The following GALNT10 variants were observed in gnomAD, a reference collection of about 807,000 sequenced individuals.
GALNT10 encodes polypeptide N-acetylgalactosaminyltransferase 10, also known as GalNAc transferase 10.
In GALNT10, 41 loss-of-function variants were observed where a neutral mutation model predicts 75.0. That is an observed-to-expected ratio of 0.55 (90% confidence interval 0.43 to 0.71). GALNT10 has a LOEUF of 0.71. Ranked by LOEUF, GALNT10 falls within the 30% of genes least tolerant of loss-of-function variation. GALNT10 has a pLI of 0.00. For synonymous variants in GALNT10, 302 were observed against 313.0 expected (o/e 0.96, Z 0.37); for missense variants, 727 against 818.5 (o/e 0.89, Z 1.36).
At chr5:154,300,128 G>C (rs1235976681) in intron 3 of GALNT10, among the ~76,000 whole-genome samples, 2 of 152,106 alleles carry the variant, frequency 1.3e-5, no homozygotes, top group African/African-American at 2.4e-5. Flanking sequence ...GAGCCACCGT[G>C]CCTGGCCAAG....
intron 1 of GALNT10, among the ~76,000 whole-genome samples, chr5:154,249,209 C>G (rs1408401030): frequency 6.6e-6 from 1 of 152,188 alleles, no homozygotes; most frequent in African/African-American, 2.4e-5. Context: ...ATTTCTGGCC[C>G]CCATGCCCAA....
Position 154,312,367 on chromosome 5 carries a change from C to T in GALNT10, c.401+14288C>T, listed in dbSNP as rs116736470. On this transcript the variant is annotated intron_variant, in intron 3 of 11. Transcript: ENST00000297107. ...AGTCCCTCTCCCCTCTCTATCCCCC[C>T]ACTTTACGCTCCAATCCTAAGTCTG... Among the ~76,000 whole-genome samples the T allele has an allele frequency of 9.5e-3, 1,454 of 152,298 alleles. 27 individuals are homozygous for T. Among genetic ancestry groups the T allele is most frequent in the African/African-American group, 0.033 (1,365 of 41,566 alleles).
intron 6 of GALNT10, among the ~76,000 whole-genome samples, chr5:154,381,193 C>T (rs1462250407): frequency 6.6e-6 from 1 of 152,190 alleles, no homozygotes; most frequent in Non-Finnish European, 1.5e-5. Flanking sequence ...GTTTGTCCCA[C>T]AGCAGAAGTT....
chr5:154,328,918 T>C (rs1754799828), intron 3 of GALNT10, among the ~76,000 whole-genome samples: 1 of 152,168 alleles, frequency 6.6e-6, no homozygotes, highest in South Asian at 2.1e-4. Flanking sequence ...CCTCATCACA[T>C]GGCATGATCA....
chr5:154,282,350 C>G (rs1387817689), intron 1 of GALNT10, among the ~76,000 whole-genome samples: 1 of 152,198 alleles, frequency 6.6e-6, no homozygotes, highest in Non-Finnish European at 1.5e-5. Context: ...ATGCTCAAAC[C>G]ATAGCAGGCT....
chr5:154,383,445 A>C (rs1755762359), intron 6 of GALNT10, among the ~76,000 whole-genome samples: 1 of 152,222 alleles, frequency 6.6e-6, no homozygotes, highest in Non-Finnish European at 1.5e-5. Flanking sequence ...GAGCTTTGTG[A>C]GAGCTGGAGA....
At chr5:154,340,095 T>TA (rs1755009909) in intron 4 of GALNT10, among the ~76,000 whole-genome samples, 1 of 152,230 alleles carries the variant, frequency 6.6e-6, no homozygotes, top group Non-Finnish European at 1.5e-5. Context: ...AAGCCACAGT[T>TA]ACTTTTGCAC....
chr5:154,221,205 A>G (rs547123920), intron 1 of GALNT10, among the ~76,000 whole-genome samples: 9 of 152,240 alleles, frequency 5.9e-5, no homozygotes, highest in Non-Finnish European at 1.0e-4. Flanking sequence ...TATAACAGAC[A>G]AGGGCTAGAA....
intron 3 of GALNT10, among the ~76,000 whole-genome samples, chr5:154,314,882 A>G (rs11167669): frequency 0.42 from 63,767 of 151,660 alleles, 15,587 homozygotes; most frequent in East Asian, 0.62. Context: ...ATTGCTGAAG[A>G]GTAATTTGCC....
intron 3 of GALNT10, among the ~76,000 whole-genome samples, chr5:154,302,199 T>G (rs1754373146): frequency 2.6e-5 from 4 of 152,244 alleles, no homozygotes; most frequent in Admixed American, 2.0e-4. Flanking sequence ...TGCCTTTTGT[T>G]CCTTCAAACT....
intron 3 of GALNT10, among the ~76,000 whole-genome samples, chr5:154,325,491 C>G (rs1389837885): frequency 6.6e-6 from 1 of 152,044 alleles, no homozygotes; most frequent in Non-Finnish European, 1.5e-5. Flanking sequence ...CCATATTCAG[C>G]AATATATAAG....
At chr5:154,259,371 G>C (rs545853355) in intron 1 of GALNT10, among the ~76,000 whole-genome samples, 1 of 152,124 alleles carries the variant, frequency 6.6e-6, no homozygotes, top group South Asian at 2.1e-4. Flanking sequence ...TCATATCAGG[G>C]CATAGTCCTG....
At chr5:154,218,110 A>G (rs1752912000) in intron 1 of GALNT10, 3 of 985,366 alleles carry the variant, frequency 3.0e-6, no homozygotes, top group Non-Finnish European at 3.6e-6. Flanking sequence ...GAGAGGGCTC[A>G]GATGCACAGC....
chr5:154,275,344 C>G (rs1308478807), intron 1 of GALNT10, among the ~76,000 whole-genome samples: 1 of 152,186 alleles, frequency 6.6e-6, no homozygotes, highest in East Asian at 1.9e-4. Context: ...TGTTCAGAAA[C>G]TTTTGTTGTA....
At chr5:154,325,292 CATA>C (rs1410394455) in intron 3 of GALNT10, among the ~76,000 whole-genome samples, 1 of 151,912 alleles carries the variant, frequency 6.6e-6, no homozygotes, top group Non-Finnish European at 1.5e-5. Context: ...TACTCTTAGC[CATA>C]ATATTGGTAT....
At chr5:154,397,686 A>G (rs1196286604) in intron 7 of GALNT10, among the ~76,000 whole-genome samples, 2 of 152,238 alleles carry the variant, frequency 1.3e-5, no homozygotes, top group Non-Finnish European at 2.9e-5. Flanking sequence ...GCAACTGATT[A>G]GGGTTTGAAC....
chr5:154,252,556 T>G (rs1753539405), intron 1 of GALNT10, among the ~76,000 whole-genome samples: 1 of 152,104 alleles, frequency 6.6e-6, no homozygotes, highest in South Asian at 2.1e-4. Context: ...TCTATTTTTT[T>G]TTCCTTTATA....
intron 1 of GALNT10, among the ~76,000 whole-genome samples, chr5:154,226,721 T>C (rs1753068307): frequency 6.6e-6 from 1 of 152,206 alleles, no homozygotes; most frequent in African/African-American, 2.4e-5. Flanking sequence ...GTATTCAATT[T>C]TGTAAGTTTT....
rs556767050 is a variant in GALNT10 at position 154,386,383 on chromosome 5, C to T, written c.1009C>T (p.Pro337Ser). The T allele has an allele frequency of 2.5e-6, 4 of 1,613,888 alleles. No homozygotes were observed. The highest frequency in any genetic ancestry group is 4.5e-5 in the East Asian group (2 of 44,862). ...KWFWELGGYD[P>S]GLEIWGGEQY... ...GTTCTGGGAACTCGGCGGGTATGAC[C>T]CAGGCTTGGAGATCTGGGGAGGGGA... Residue 337 changes from proline (P) to serine (S), a missense_variant, in exon 7 of 12, where the codon CCA (proline) becomes TCA (serine). By Grantham distance (74) the Pro-to-Ser change is moderately conservative (BLOSUM62 -1). Transcript: ENST00000297107.
Sources: gnomAD v4.1 joint callset for allele counts (sites outside exome capture counted in the v4.1 genomes callset) on GRCh38, gnomAD v4.1.1 for gene constraint, MANE v1.5 for transcripts, NCBI Gene and HGNC (gene_info 2026-07-23, HGNC 2026-07-21) for gene names.